The following ADAMTSL1 variants were observed in gnomAD, a reference collection of about 807,000 sequenced individuals.
ADAMTSL1 encodes ADAMTS-like protein 1.
In ADAMTSL1, 126 loss-of-function variants were observed where a neutral mutation model predicts 201.8. That is an observed-to-expected ratio of 0.62 (90% CI 0.54 to 0.72). ADAMTSL1 has a LOEUF of 0.72. Among genes scored for constraint, ADAMTSL1 ranks in the 30% least tolerant of loss-of-function variants. ADAMTSL1 has a pLI of 0.00. For synonymous variants in ADAMTSL1, 1,121 were observed against 903.4 expected (o/e 1.24, Z -4.32); for missense variants, 2,679 against 2,277.8 (o/e 1.18, Z -3.59).
In ADAMTSL1 at chr9:18,359,759, C is replaced by T. The variant is rs542092631; in HGVS notation, c.208-145070C>T. Among the ~76,000 whole-genome samples the T allele has an allele frequency of 8.7e-4, 130 of 150,114 alleles. No individual in the cohort carries two copies. In the Middle Eastern group the frequency reaches 0.014, roughly 16 times the overall value. ...ATTTTTAACTTTTCTAAGGGTGTTC[C>T]TTATTAAAGTGTTGGCATTACCCTA... On this transcript the variant is annotated intron_variant, in intron 2 of 29. Transcript: ENST00000680146.
At chr9:17,995,190 A>G (rs191543248) in intron 1 of ADAMTSL1, among the ~76,000 whole-genome samples, 26 of 152,262 alleles carry the variant, frequency 1.7e-4, no homozygotes, top group Admixed American at 8.5e-4. Context: ...TAACTAGGCT[A>G]CAGGGACCAG....
Position 18,533,300 on chromosome 9 carries a change from T to C in ADAMTSL1, c.237+8T>C. The C allele has an allele frequency of 6.2e-7, 1 of 1,605,904 alleles. No individual in the cohort carries two copies. The highest frequency in any genetic ancestry group is 8.5e-7 in the Non-Finnish European group (1 of 1,175,974). ...AGAACATGCAGTAATGTGGTAAGTA[T>C]AAGGTTCTGAGATTGTAATCATGTA... On this transcript the variant is annotated splice_region_variant and intron_variant, in intron 3 of 28. Coordinates refer to ENST00000380548, the MANE Select transcript of ADAMTSL1 (RefSeq NM_001040272.6).
At chr9:18,334,332 G>A (rs553080270) in intron 2 of ADAMTSL1, among the ~76,000 whole-genome samples, 5 of 152,246 alleles carry the variant, frequency 3.3e-5, no homozygotes, top group Admixed American at 3.3e-4. Context: ...TGGCTTTCAA[G>A]CTGTCAGCTC....
chr9:18,181,719 G>T (rs1828487805), intron 2 of ADAMTSL1, among the ~76,000 whole-genome samples: 1 of 151,910 alleles, frequency 6.6e-6, no homozygotes. Context: ...CCTTGTGGAA[G>T]TCAGTGTGGC....
At chr9:17,969,193 T>G (rs1818105117) in intron 1 of ADAMTSL1, among the ~76,000 whole-genome samples, 2 of 119,320 alleles carry the variant, frequency 1.7e-5, no homozygotes, top group Non-Finnish European at 3.7e-5. Flanking sequence ...ATGGAGTGTT[T>G]ACTAGATTGC....
At chr9:18,409,572 C>T (rs1340173562) in intron 2 of ADAMTSL1, among the ~76,000 whole-genome samples, 3 of 151,096 alleles carry the variant, frequency 2.0e-5, no homozygotes, top group Non-Finnish European at 4.4e-5. Flanking sequence ...GGAAGATATA[C>T]AGGGTTAAAA....
intron 1 of ADAMTSL1, among the ~76,000 whole-genome samples, chr9:18,086,982 T>C (rs1823795990): frequency 6.6e-6 from 1 of 152,208 alleles, no homozygotes; most frequent in Non-Finnish European, 1.5e-5. Context: ...TAATCTATTA[T>C]ATAACTCTGT....
intron 4 of ADAMTSL1, among the ~76,000 whole-genome samples, chr9:18,580,652 A>G (rs1289631714): frequency 6.6e-6 from 1 of 152,196 alleles, no homozygotes; most frequent in East Asian, 1.9e-4. Context: ...ATTATTGAGG[A>G]TATAAAATTG....
chr9:18,565,338 CTG>C (rs1425800331), intron 3 of ADAMTSL1, among the ~76,000 whole-genome samples: 1 of 152,122 alleles, frequency 6.6e-6, no homozygotes, highest in East Asian at 1.9e-4. Context: ...TATAATTTCA[CTG>C]AGCATGAACT....
At chr9:18,853,689 C>G (rs557896838) in intron 23 of ADAMTSL1, among the ~76,000 whole-genome samples, 1 of 152,254 alleles carries the variant, frequency 6.6e-6, no homozygotes, top group South Asian at 2.1e-4. Context: ...GGCCCAAGCC[C>G]AAGACTGATT....
chr9:18,050,914 T>G (rs1416817907), intron 1 of ADAMTSL1, among the ~76,000 whole-genome samples: 2 of 152,212 alleles, frequency 1.3e-5, no homozygotes, highest in Non-Finnish European at 2.9e-5. Context: ...GTCAATTGGA[T>G]TGTGCTGTGT....
chr9:17,948,831 A>G (rs1827616303), intron 1 of ADAMTSL1, among the ~76,000 whole-genome samples: 1 of 152,258 alleles, frequency 6.6e-6, no homozygotes, highest in Non-Finnish European at 1.5e-5. Context: ...GGATGCCAGG[A>G]CTATAAGTGT....
chr9:18,373,263 T>A (rs1837129815), intron 2 of ADAMTSL1, among the ~76,000 whole-genome samples: 1 of 152,176 alleles, frequency 6.6e-6, no homozygotes, highest in African/African-American at 2.4e-5. Context: ...TCTAGGCTGA[T>A]CACAAGCCAA....
intron 15 of ADAMTSL1, among the ~76,000 whole-genome samples, chr9:18,750,985 A>C (rs867758452): frequency 6.6e-6 from 1 of 152,136 alleles, no homozygotes. Flanking sequence ...GAGAGCATCA[A>C]ATTGGAAGCA....
At chr9:18,906,245 C>T (rs946520855) in intron 27 of ADAMTSL1, among the ~76,000 whole-genome samples, 1 of 152,208 alleles carries the variant, frequency 6.6e-6, no homozygotes, top group Admixed American at 6.5e-5. Context: ...GCCCCTCACT[C>T]TTGTTGATCT....
At chr9:18,275,763 A>C (rs921337848) in intron 2 of ADAMTSL1, among the ~76,000 whole-genome samples, 1 of 152,164 alleles carries the variant, frequency 6.6e-6, no homozygotes, top group Non-Finnish European at 1.5e-5. Context: ...TTAGTGAGTC[A>C]TAGACATTTG....
At chr9:18,515,785 C>T (rs1250900688) in intron 2 of ADAMTSL1, among the ~76,000 whole-genome samples, 1 of 152,164 alleles carries the variant, frequency 6.6e-6, no homozygotes, top group Non-Finnish European at 1.5e-5. Context: ...CTGGTACATA[C>T]ACAGTTGTCT....
At chr9:18,567,629 T>A (rs184421942) in intron 3 of ADAMTSL1, among the ~76,000 whole-genome samples, 3 of 152,246 alleles carry the variant, frequency 2.0e-5, no homozygotes, top group Admixed American at 2.0e-4. Context: ...AGCAGTTGTA[T>A]ACAGTAGTCC....
chr9:18,862,840 A>G (rs1429549174), intron 23 of ADAMTSL1, among the ~76,000 whole-genome samples: 2 of 152,358 alleles, frequency 1.3e-5, no homozygotes, highest in East Asian at 3.9e-4. Context: ...GGTAGAGTCA[A>G]CTAGGGACTT....
Sources: gnomAD v4.1 joint callset for allele counts (sites outside exome capture counted in the v4.1 genomes callset) on GRCh38, gnomAD v4.1.1 for gene constraint, MANE v1.5 for transcripts, NCBI Gene and HGNC (gene_info 2026-07-23, HGNC 2026-07-21) for gene names.